Variants in DUOXA1 observed in about 807,000 individuals in gnomAD.
The protein encoded by DUOXA1 is dual oxidase activator 1.
DUOXA1 carries 19 observed loss-of-function variants against 26.6 expected under a neutral mutation model. The observed-to-expected ratio is 0.71, with a 90% confidence interval of 0.50 to 1.05. DUOXA1 has a LOEUF of 1.05. Ranked by LOEUF, DUOXA1 falls within the 50% of genes least tolerant of loss-of-function variation. The pLI is 0.00. For missense variants in DUOXA1, 403 were observed against 427.5 expected (o/e 0.94, Z 0.51); for synonymous variants, 166 against 177.0 (o/e 0.94, Z 0.49).
In DUOXA1 at chr15:45,118,791, C is replaced by A; in HGVS notation, c.*315G>T. The A allele has an allele frequency of 9.3e-7, 1 of 1,075,672 alleles. No individual in the cohort carries two copies. The highest frequency in any genetic ancestry group is 6.1e-5 in the East Asian group (1 of 16,334). The allele number at this position is 1,075,672 out of a possible 1,614,324, so 66.6% of individuals were successfully genotyped here. A position where few individuals can be genotyped will look rare whatever the true frequency, so the allele number is the denominator to read the frequency against. On this transcript the variant is annotated 3_prime_UTR_variant, in exon 9 of 9. Transcript: ENST00000560572. Reference sequence around the variant, plus strand: ...GTGTTATGGGGGTGAAGTTAGGTTTCAGTGAATAGCATCTTGAAGAGGCAA... The same window carrying A: ...GTGTTATGGGGGTGAAGTTAGGTTTAAGTGAATAGCATCTTGAAGAGGCAA...
In DUOXA1 at chr15:45,117,501, G is replaced by C. The variant is rs770915057; in HGVS notation, c.*1605C>G. 6.4e-6 allele frequency: 10 copies of C among 1,552,868 alleles called. No individual in the cohort carries two copies. The South Asian group carries it at 1.1e-4, about 17-fold the overall frequency. On this transcript the variant is annotated 3_prime_UTR_variant, in exon 9 of 9. Coordinates refer to ENST00000560572, the MANE Select transcript of DUOXA1 (RefSeq NM_001276266.2). ...GCTCAGAAGGGTTTGGTGTCTTGCC[G>C]TGTTTCATGTAATTCAGATTAGAGG...
intron 4 of DUOXA1, 131 bp from the exon 5 acceptor site, chr15:45,122,373 T>G: frequency 1.2e-6 from 1 of 846,006 alleles, no homozygotes; most frequent in Non-Finnish European, 2.0e-6. Context: ...TCAGAGTGTC[T>G]GGCACATAAT....
Position 45,122,375 on chromosome 15 carries a change from G to T in DUOXA1, c.148-133C>A, listed in dbSNP as rs1263654700. On this transcript the variant is annotated intron_variant, in intron 4 of 8. Transcript: ENST00000560572. ...TGGTCAATTGAAATCAGAGTGTCTG[G>T]CACATAATAAGTGCTTATGTATTTA... 2.6e-5 allele frequency: 22 copies of T among 841,778 alleles called. No homozygotes were observed. In the South Asian group the frequency reaches 2.9e-4, roughly 11 times the overall value. 52.1% of individuals were successfully genotyped at this position (841,778 alleles called of 1,614,324 possible). A position where few individuals can be genotyped will look rare whatever the true frequency, so the allele number is the denominator to read the frequency against.
At chr15:45,120,839 C>T in intron 6 of DUOXA1, 34 bp from the exon 7 acceptor site, 1 of 1,610,734 alleles carries the variant, frequency 6.2e-7, no homozygotes, top group African/African-American at 1.3e-5. Context: ...CAGCAGGAAC[C>T]CAAGGGCCAG....
Position 45,119,265 on chromosome 15 carries a change from G to A in DUOXA1, c.873C>T (p.Pro291=), listed in dbSNP as rs773158418. Residue 291 remains proline (P), a synonymous_variant, in exon 9 of 9, where the codon CCC becomes CCT. Transcript: ENST00000560572. The part of the protein sequence containing the change: ...AFFNQSVDED[P]MLEWSPEEGG... ...CTTCCTCAGGACTCCACTCCAGCAT[G>A]GGGTCTTCATCCACACTCTGGTTGA... is the stretch of plus-strand genomic sequence containing the variant. 1.4e-5 allele frequency: 23 copies of A among 1,614,162 alleles called. No homozygotes were observed. The highest frequency in any genetic ancestry group is 2.2e-5 in the East Asian group (1 of 44,878).
At position 45,117,839 on chromosome 15, in the gene DUOXA1, T is replaced by C; in HGVS notation, c.*1267A>G. On this transcript the variant is annotated 3_prime_UTR_variant, in exon 9 of 9. Coordinates refer to ENST00000560572, the MANE Select transcript of DUOXA1 (RefSeq NM_001276266.2). Reference sequence around the variant, plus strand: ...AGCCAGGAGAGAGGGGGCTCACCTCTTATCCTCGGCGACCCACTGCACAAG... The same window carrying C: ...AGCCAGGAGAGAGGGGGCTCACCTCCTATCCTCGGCGACCCACTGCACAAG... 1.2e-6 allele frequency: 2 copies of C among 1,612,178 alleles called. No individual in the cohort carries two copies. The highest frequency in any genetic ancestry group is 1.7e-6 in the Non-Finnish European group (2 of 1,180,032).
chr15:45,124,632 C>T (rs998646396), intron 3 of DUOXA1, among the ~76,000 whole-genome samples: 4 of 152,150 alleles, frequency 2.6e-5, no homozygotes, highest in African/African-American at 9.7e-5. Flanking sequence ...GCCTCAGCCA[C>T]CTGAGTAGCT....
At chr15:45,122,145 A>AT (rs1566992915) in intron 5 of DUOXA1, 40 bp downstream of exon 5, 1 of 1,569,822 alleles carries the variant, frequency 6.4e-7, no homozygotes, top group Non-Finnish European at 8.7e-7. Context: ...AGTTGAAGGG[A>AT]TGGAGGCAGC....
chr15:45,128,532 A>T (rs1895875257), intron 3 of DUOXA1, among the ~76,000 whole-genome samples: 1 of 151,792 alleles, frequency 6.6e-6, no homozygotes, highest in African/African-American at 2.4e-5. Flanking sequence ...CCTGTCAGGA[A>T]CTCCTGTGCT....
chr15:45,122,185 C>G lies in DUOXA1; in HGVS notation c.205G>C (p.Ala69Pro). The change falls in exon 5 of 9, where the codon GCT becomes CCT. Residue 69 changes from alanine to proline, a missense_variant and splice_region_variant. Ala to Pro is a conservative substitution (Grantham distance 27, BLOSUM62 -1). Coordinates refer to ENST00000560572, the MANE Select transcript of DUOXA1 (RefSeq NM_001276266.2). Reference protein sequence around the residue: ...TSLFIGAAILAVNFSSEWSVG... With the variant: ...TSLFIGAAILPVNFSSEWSVG... Reference sequence around the variant, plus strand: ...CAAGTCAGCTGCACTTCGCACTCACCCAGGATTGCAGCCCCGATGAATAAG... The same window carrying G: ...CAAGTCAGCTGCACTTCGCACTCACGCAGGATTGCAGCCCCGATGAATAAG... The G allele has an allele frequency of 6.2e-7, 1 of 1,600,738 alleles. No individual in the cohort carries two copies. The highest frequency in any genetic ancestry group is 8.5e-7 in the Non-Finnish European group (1 of 1,173,490).
chr15:45,117,935 C>T lies in DUOXA1; in HGVS notation c.*1171G>A, dbSNP rs777311888. The T allele has an allele frequency of 3.4e-5, 55 of 1,613,060 alleles. No individual in the cohort carries two copies. The highest frequency in any genetic ancestry group is 2.5e-6 in the Non-Finnish European group (3 of 1,180,004). On this transcript the variant is annotated 3_prime_UTR_variant, in exon 9 of 9. Transcript: ENST00000560572. Reference sequence around the variant, plus strand: ...GGGGGACCCAATCTGGACTCCTTCCCCGCCTTGGGACATCGCAGGCCGGGA... The same window carrying T: ...GGGGGACCCAATCTGGACTCCTTCCTCGCCTTGGGACATCGCAGGCCGGGA...
At chr15:45,119,978 T>C in intron 8 of DUOXA1, 125 bp downstream of exon 8, 1 of 1,104,648 alleles carries the variant, frequency 9.1e-7, no homozygotes, top group Non-Finnish European at 1.3e-6. Context: ...AGGGTGGGAC[T>C]TTAAAGAGGG....
chr15:45,119,634 G>C (rs1894959403), intron 8 of DUOXA1, among the ~76,000 whole-genome samples: 1 of 152,048 alleles, frequency 6.6e-6, no homozygotes, highest in African/African-American at 2.4e-5. Flanking sequence ...TGAAAATAGG[G>C]AGAGAAAAGA....
chr15:45,117,849 C>A lies in DUOXA1; in HGVS notation c.*1257G>T. Reference sequence around the variant, plus strand: ...GAGGGGGCTCACCTCTTATCCTCGGCGACCCACTGCACAAGCAGGCCGCTC... The same window carrying A: ...GAGGGGGCTCACCTCTTATCCTCGGAGACCCACTGCACAAGCAGGCCGCTC... On this transcript the variant is annotated 3_prime_UTR_variant, in exon 9 of 9. Transcript: ENST00000560572. 6.2e-7 allele frequency: 1 copy of A among 1,613,720 alleles called. No homozygotes were observed. The highest frequency in any genetic ancestry group is 8.5e-7 in the Non-Finnish European group (1 of 1,180,030).
In DUOXA1 at chr15:45,119,168, C is replaced by A; in HGVS notation, c.970G>T (p.Ala324Ser). The A allele has an allele frequency of 1.2e-6, 2 of 1,611,476 alleles. No homozygotes were observed. Among genetic ancestry groups the A allele is most frequent in the Non-Finnish European group, 1.7e-6 (2 of 1,177,804 alleles). ...TTACAGTATGCCTTGGTGGAGGAAG[C>A]CTCTGACAGGGGAATGTCCTGGGAC... ...PKSQDIPLSE[A>S]SSTKAYCKEA... The change falls in exon 9 of 9, where the codon GCT becomes TCT. Residue 324 changes from alanine to serine, a missense_variant. Transcript: ENST00000560572.
In DUOXA1 at chr15:45,119,779, A is replaced by G. The variant is rs183056673; in HGVS notation, c.772+324T>C. On this transcript the variant is annotated intron_variant, in intron 8 of 8. Transcript: ENST00000560572. Reference sequence around the variant, plus strand: ...GTAAGGCAGGACAGGGAAGGGTTTAAGAATGGGGACCCAGAGAAGGGTATT... The same window carrying G: ...GTAAGGCAGGACAGGGAAGGGTTTAGGAATGGGGACCCAGAGAAGGGTATT... 2.7e-3 allele frequency among the ~76,000 whole-genome samples: 413 copies of G among 152,184 alleles called. No homozygotes were observed. The Middle Eastern group carries it at 0.034, about 13-fold the overall frequency.
rs201718435 is a variant in DUOXA1 at position 45,117,848 on chromosome 15, G to A, written c.*1258C>T. 3.8e-4 allele frequency: 615 copies of A among 1,613,716 alleles called. 6 individuals are homozygous for A. The highest frequency in any genetic ancestry group is 2.0e-5 in the Non-Finnish European group (24 of 1,180,034). ...AGAGGGGGCTCACCTCTTATCCTCG[G>A]CGACCCACTGCACAAGCAGGCCGCT... is the stretch of plus-strand genomic sequence containing the variant. On this transcript the variant is annotated 3_prime_UTR_variant, in exon 9 of 9. Transcript: ENST00000560572.
At position 45,122,939 on chromosome 15, in the gene DUOXA1, T is replaced by A. The variant is rs751723143; in HGVS notation, c.76A>T (p.Ser26Cys). 1 of 1,613,494 alleles carries A rather than the reference T, an allele frequency of 6.2e-7. No homozygotes were observed. The highest frequency in any genetic ancestry group is 1.1e-5 in the South Asian group (1 of 91,008). The change falls in exon 4 of 9, where the codon AGC becomes TGC. Residue 26 changes from serine (S) to cysteine (C), a missense_variant. Transcript: ENST00000560572. Reference sequence around the variant, plus strand: ...GCAGTCAGAAAGATCATGATGATGCTGGCCAAAGTGGTGTCCATCGGGAAG... The same window carrying A: ...GCAGTCAGAAAGATCATGATGATGCAGGCCAAAGTGGTGTCCATCGGGAAG... The part of the protein sequence containing the change: ...PTFPMDTTLA[S>C]IIMIFLTALA...
At position 45,117,578 on chromosome 15, in the gene DUOXA1, C is replaced by T. The variant is rs1287402625; in HGVS notation, c.*1528G>A. On this transcript the variant is annotated 3_prime_UTR_variant, in exon 9 of 9. Transcript: ENST00000560572. ...TAGGCTCCAAAAGATGGAAGAAGGC[C>T]CGGGCATCACGCCTGTAATCCCAGC... 6.2e-7 allele frequency: 1 copy of T among 1,605,456 alleles called. No individual in the cohort carries two copies. The highest frequency in any genetic ancestry group is 8.5e-7 in the Non-Finnish European group (1 of 1,175,692).
Sources: allele counts gnomAD v4.1 joint callset (sites outside exome capture counted in the v4.1 genomes callset), GRCh38; gene constraint gnomAD v4.1.1; transcripts MANE v1.5; gene names NCBI Gene and HGNC (gene_info 2026-07-23, HGNC 2026-07-21).